Variants in SOX6 observed in about 807,000 individuals in gnomAD.
SOX6 encodes the protein SRY-box transcription factor 6.
A neutral mutation model predicts 97.8 loss-of-function variants in SOX6; 11 were observed. The ratio of observed to expected loss-of-function variants is 0.11; its 90% CI spans 0.07 to 0.19. The LOEUF (loss-of-function observed/expected upper bound fraction) is 0.19, where lower values mean the gene tolerates loss of function less well. Among genes scored for constraint, SOX6 ranks in the 10% least tolerant of loss-of-function variants. SOX6 has a pLI of 1.00. For synonymous variants in SOX6, 360 were observed against 371.4 expected (o/e 0.97, Z 0.35); for missense variants, 810 against 1,039.5 (o/e 0.78, Z 3.04).
chr11:16,690,628 C>A (rs754427756), intron 3 of SOX6, among the ~76,000 whole-genome samples: 1 of 152,188 alleles, frequency 6.6e-6, no homozygotes, highest in Non-Finnish European at 1.5e-5. Context: ...AATCTCATTA[C>A]ATGACTTAAT....
rs1848347311 is a variant in SOX6, at chr11:16,607,423, A to G, written n.609+4658T>C. 1.3e-5 allele frequency: 2 copies of G among 152,454 alleles called. No individual in the cohort carries two copies. The highest frequency in any genetic ancestry group is 6.5e-5 in the Admixed American group (1 of 15,290). The allele number at this position is 152,454 out of a possible 1,614,324, so 9.4% of individuals were successfully genotyped here. ...GCAGGAGTAAATGGCATTAAAGAAA[A>G]AGGGAAAGATACAAATAAAAAAAAT... On this transcript the variant is annotated intron_variant and non_coding_transcript_variant, in intron 4 of 5. Coordinates refer to the SOX6 transcript ENST00000524520. The surrounding 1 kb of genome is among the most constrained non-coding windows in gnomAD (Gnocchi z 6.5).
intron 1 of SOX6, among the ~76,000 whole-genome samples, chr11:16,390,202 C>A (rs1243524740): frequency 6.9e-6 from 1 of 144,974 alleles, no homozygotes; most frequent in African/African-American, 2.8e-5. Flanking sequence ...ATTACCTCCT[C>A]ACCTCTTAGC....
At chr11:16,519,726 G>T (rs575162340) in intron 4 of SOX6, among the ~76,000 whole-genome samples, 1 of 152,304 alleles carries the variant, frequency 6.6e-6, no homozygotes, top group South Asian at 2.1e-4. Context: ...CTACTAGCGA[G>T]ATTGCTGGGT....
chr11:16,048,513 T>C (rs1590159010), intron 11 of SOX6, among the ~76,000 whole-genome samples: 3 of 152,310 alleles, frequency 2.0e-5, no homozygotes, highest in African/African-American at 7.2e-5. Flanking sequence ...GTCCTGTTTC[T>C]GCTAATTAAC....
At chr11:16,678,930 G>A (rs1053326727) in intron 3 of SOX6, among the ~76,000 whole-genome samples, 14 of 152,174 alleles carry the variant, frequency 9.2e-5, no homozygotes, top group African/African-American at 3.4e-4. Flanking sequence ...GGCTTCAGTA[G>A]GCAGTTTTAT....
intron 13 of SOX6, among the ~76,000 whole-genome samples, chr11:16,000,299 G>C (rs1322186109): frequency 6.6e-6 from 1 of 152,218 alleles, no homozygotes; most frequent in Non-Finnish European, 1.5e-5. Context: ...GTGAGGAAGT[G>C]ATGTGTTCAT....
chr11:16,503,639 C>T (rs1314870473), intron 4 of SOX6, among the ~76,000 whole-genome samples: 1 of 152,082 alleles, frequency 6.6e-6, no homozygotes, highest in Non-Finnish European at 1.5e-5. Context: ...GCAGGAGTAG[C>T]TATACTTATG....
chr11:16,389,777 G>A (rs1858107683), intron 1 of SOX6, among the ~76,000 whole-genome samples: 1 of 151,494 alleles, frequency 6.6e-6, no homozygotes, highest in Non-Finnish European at 1.5e-5. Context: ...GACCATCCCG[G>A]CTAACACGGT....
intron 3 of SOX6, among the ~76,000 whole-genome samples, chr11:16,303,313 T>G (rs996608014): frequency 1.3e-4 from 20 of 152,204 alleles, no homozygotes; most frequent in African/African-American, 4.8e-4. Context: ...ATTGTGAAGA[T>G]AGACTAAAGA....
intron 4 of SOX6, among the ~76,000 whole-genome samples, chr11:16,488,261 G>C (rs1433266433): frequency 6.6e-6 from 1 of 152,076 alleles, no homozygotes; most frequent in Non-Finnish European, 1.5e-5. Context: ...TGACTTCAAG[G>C]AGTTCACAGC....
At chr11:16,027,463 C>A (rs559005694) in intron 12 of SOX6, among the ~76,000 whole-genome samples, 1 of 152,206 alleles carries the variant, frequency 6.6e-6, no homozygotes, top group Non-Finnish European at 1.5e-5. Flanking sequence ...TTTACTGATA[C>A]CTAATATTTT....
chr11:16,031,850 A>T (rs1855384617), intron 12 of SOX6, among the ~76,000 whole-genome samples: 1 of 152,156 alleles, frequency 6.6e-6, no homozygotes. Flanking sequence ...CACACATACC[A>T]GGAGGCAGAG....
At chr11:16,551,011 A>T (rs1847680510) in intron 4 of SOX6, among the ~76,000 whole-genome samples, 2 of 152,160 alleles carry the variant, frequency 1.3e-5, no homozygotes, top group African/African-American at 4.8e-5. Flanking sequence ...TGAGTCTAGC[A>T]GTTTGAGACC....
At chr11:16,462,204 T>C (rs1011219753) in intron 1 of SOX6, among the ~76,000 whole-genome samples, 1 of 152,202 alleles carries the variant, frequency 6.6e-6, no homozygotes, top group African/African-American at 2.4e-5. Flanking sequence ...AGAATGAAGA[T>C]CCTAATAGTG....
chr11:16,148,547 C>T (rs1217067070), intron 6 of SOX6, among the ~76,000 whole-genome samples: 1 of 152,126 alleles, frequency 6.6e-6, no homozygotes, highest in Non-Finnish European at 1.5e-5. Flanking sequence ...ATGGGCCATT[C>T]ATTGTGTTCC....
intron 1 of SOX6, among the ~76,000 whole-genome samples, chr11:16,426,772 G>A (rs1304930645): frequency 1.3e-5 from 2 of 151,234 alleles, no homozygotes; most frequent in Non-Finnish European, 3.0e-5. Flanking sequence ...AAATTAGCCG[G>A]GCGTAGTGGC....
chr11:16,356,997 T>C (rs1175660628), upstream of SOX6, among the ~76,000 whole-genome samples: 1 of 152,098 alleles, frequency 6.6e-6, no homozygotes, highest in Non-Finnish European at 1.5e-5. Context: ...CTAACAATTG[T>C]TAATTATAAA....
At chr11:16,549,388 C>T (rs1026266000) in intron 4 of SOX6, among the ~76,000 whole-genome samples, 16 of 152,118 alleles carry the variant, frequency 1.1e-4, no homozygotes, top group Non-Finnish European at 2.1e-4. Flanking sequence ...AGGCTGGTCT[C>T]AAACTCCTGA....
chr11:16,151,488 C>A (rs546965850), intron 6 of SOX6, among the ~76,000 whole-genome samples: 1 of 152,230 alleles, frequency 6.6e-6, no homozygotes, highest in Non-Finnish European at 1.5e-5. Context: ...CCTGCAGACA[C>A]CATTTTTCTG....
Sources: gnomAD v4.1 joint callset for allele counts (sites outside exome capture counted in the v4.1 genomes callset) on GRCh38, gnomAD v4.1.1 for gene constraint, Gnocchi (gnomAD v3.1) non-coding constraint, MANE v1.5 for transcripts, NCBI Gene and HGNC (gene_info 2026-07-23, HGNC 2026-07-21) for gene names.